The following TCEA3 variants were observed in gnomAD, a reference collection of about 807,000 sequenced individuals.
TCEA3 encodes transcription elongation factor A protein 3.
TCEA3 carries 36 observed loss-of-function variants against 44.0 expected under a neutral mutation model. The ratio of observed to expected loss-of-function variants is 0.82; its 90% CI spans 0.63 to 1.08. The LOEUF is 1.08. Ranked by LOEUF, TCEA3 falls within the 50% of genes least tolerant of loss-of-function variation. TCEA3 has a pLI of 0.00. For synonymous variants in TCEA3, 162 were observed against 159.7 expected, an observed-to-expected ratio of 1.01 and a Z score of -0.11; for missense variants, 392 against 441.2, an observed-to-expected ratio of 0.89 and a Z score of 1.00.
intron 4 of TCEA3, chr1:23,412,018 G>A (rs1178801465): frequency 6.6e-6 from 1 of 152,100 alleles, no homozygotes; most frequent in African/African-American, 2.4e-5. Context: ...GTTTAGATAC[G>A]AATCCACTGA....
intron 4 of TCEA3, among the ~76,000 whole-genome samples, chr1:23,410,288 C>T (rs779570719): frequency 5.9e-5 from 9 of 151,984 alleles, no homozygotes; most frequent in African/African-American, 9.7e-5. Flanking sequence ...AGAGAAGACA[C>T]GAGACTCCAC....
intron 9 of TCEA3, among the ~76,000 whole-genome samples, chr1:23,385,702 G>A (rs966889272): frequency 6.6e-6 from 1 of 152,222 alleles, no homozygotes; most frequent in African/African-American, 2.4e-5. Context: ...GGCATACCAT[G>A]TGCAACCCAG....
At chr1:23,392,416 A>AC (rs1558030260) in intron 8 of TCEA3, among the ~76,000 whole-genome samples, 1 of 3,188 alleles carries the variant, frequency 3.1e-4, no homozygotes, top group Non-Finnish European at 5.4e-4. Flanking sequence ...CATCATGCAC[A>AC]ATACACACAC....
intron 5 of TCEA3, among the ~76,000 whole-genome samples, chr1:23,405,856 G>A (rs1313459292): frequency 2.6e-5 from 4 of 152,324 alleles, no homozygotes; most frequent in Admixed American, 2.6e-4. Flanking sequence ...AATGTCATTA[G>A]TGACCAGTGT....
intron 5 of TCEA3, among the ~76,000 whole-genome samples, chr1:23,408,384 ATTCGGGGGCACAC>A (rs781319411): frequency 2.6e-5 from 4 of 152,174 alleles, no homozygotes; most frequent in Non-Finnish European, 4.4e-5. Flanking sequence ...CACACCCCTG[ATTCGGGGGCACAC>A]TTGCTAAATG....
intron 1 of TCEA3, among the ~76,000 whole-genome samples, chr1:23,420,332 T>C (rs1322703880): frequency 6.6e-6 from 1 of 152,192 alleles, no homozygotes; most frequent in Non-Finnish European, 1.5e-5. Context: ...GCTTCGACTT[T>C]CCAGGCTCAG....
intron 1 of TCEA3, among the ~76,000 whole-genome samples, chr1:23,423,464 T>C (rs1377282181): frequency 6.6e-6 from 1 of 152,172 alleles, no homozygotes; most frequent in Non-Finnish European, 1.5e-5. Context: ...GTGTCCACTC[T>C]AGGGCTCCCT....
At position 23,424,591 on chromosome 1, in the gene TCEA3, C is replaced by G; in HGVS notation, c.43G>C (p.Glu15Gln). 1 of 1,608,816 alleles carries G rather than the reference C, an allele frequency of 6.2e-7. No homozygotes were observed. The highest frequency in any genetic ancestry group is 8.5e-7 in the Non-Finnish European group (1 of 1,179,084). ...EELLRIAKKL[E>Q]KMVARKNTEG... ...GTGTTCTTCCTGGCCACCATCTTCT[C>G]CAGCTTTTTGGCGATCCTCAGCAGC... Residue 15 changes from glutamate to glutamine, a missense_variant, in exon 1 of 11, where the codon GAG (glutamate) becomes CAG (glutamine). By Grantham distance (29) the Glu-to-Gln change is conservative. Transcript: ENST00000450454.
intron 4 of TCEA3, among the ~76,000 whole-genome samples, chr1:23,413,591 G>C (rs1199748993): frequency 6.6e-6 from 1 of 151,992 alleles, no homozygotes; most frequent in African/African-American, 2.4e-5. Context: ...CCACTACCAT[G>C]CCCAGCTAAT....
chr1:23,410,328 A>T (rs1293768395), intron 4 of TCEA3, among the ~76,000 whole-genome samples: 1 of 152,088 alleles, frequency 6.6e-6, no homozygotes, highest in Non-Finnish European at 1.5e-5. Flanking sequence ...ACTCTTCCTC[A>T]TTGCTTTTCT....
At chr1:23,397,523 C>G (rs761432065) in intron 7 of TCEA3, 22 bp downstream of exon 7, 1 of 1,611,970 alleles carries the variant, frequency 6.2e-7, no homozygotes, top group South Asian at 1.1e-5. Context: ...ACACCCACAG[C>G]CCCGGCACAG....
intron 4 of TCEA3, among the ~76,000 whole-genome samples, chr1:23,416,373 T>G (rs1241332428): frequency 6.6e-6 from 1 of 152,210 alleles, no homozygotes; most frequent in Non-Finnish European, 1.5e-5. Context: ...ACTATTATTA[T>G]TTTTTGTTTC....
chr1:23,418,283 A>T, intron 2 of TCEA3: 1 of 426,566 alleles, frequency 2.3e-6, no homozygotes, highest in East Asian at 3.9e-5. Context: ...CACTTGGCTG[A>T]CTGTCAGGAC....
intron 1 of TCEA3, among the ~76,000 whole-genome samples, chr1:23,421,750 T>C (rs1354342445): frequency 6.6e-6 from 1 of 152,258 alleles, no homozygotes; most frequent in Non-Finnish European, 1.5e-5. Context: ...GAGGATTCCT[T>C]ACCTTTGTTT....
rs540599469 is a variant in TCEA3, at chr1:23,392,560, C to T, written c.819+1319G>A. On this transcript the variant is annotated intron_variant, in intron 8 of 10. Transcript: ENST00000450454. Reference sequence around the variant, plus strand: ...TCATACACGCCACATACACTCCACACATCAGACACACACACTCCACACATC... The same window carrying T: ...TCATACACGCCACATACACTCCACATATCAGACACACACACTCCACACATC... Among the ~76,000 whole-genome samples the T allele has an allele frequency of 2.0e-4, 6 of 30,610 alleles. No homozygotes were observed. In the East Asian group the frequency reaches 5.1e-3, roughly 26 times the overall value. 20.1% of individuals were successfully genotyped at this position (30,610 alleles called of 152,430 possible).
Position 23,387,474 on chromosome 1 carries a change from T to C in TCEA3, c.820-55A>G, listed in dbSNP as rs1269053731. On this transcript the variant is annotated intron_variant, in intron 8 of 10. Coordinates refer to ENST00000450454, the MANE Select transcript of TCEA3 (RefSeq NM_003196.3). ...CTGAGGAGTTTCAGGGGCCCTGCCC[T>C]ACACCCGGTTTCTAGAAAGCCTGAA... 6 of 1,507,486 alleles carry C rather than the reference T, an allele frequency of 4.0e-6. No homozygotes were observed. The Admixed American group carries it at 1.1e-4, about 28-fold the overall frequency. The allele number at this position is 1,507,486 out of a possible 1,614,324, so 93.4% of individuals were successfully genotyped here. A position where few individuals can be genotyped will look rare whatever the true frequency, so the allele number is the denominator to read the frequency against.
At chr1:23,394,680 A>G (rs1335418917) in intron 7 of TCEA3, among the ~76,000 whole-genome samples, 1 of 152,162 alleles carries the variant, frequency 6.6e-6, no homozygotes, top group African/African-American at 2.4e-5. Context: ...TTACCATCCC[A>G]TGGAACCCAC....
chr1:23,404,252 T>G, intron 5 of TCEA3: 4 of 692,820 alleles, frequency 5.8e-6, no homozygotes, highest in Non-Finnish European at 1.1e-5. Context: ...CTCCGTGGTC[T>G]GCTTCCTGGT....
At position 23,402,419 on chromosome 1, in the gene TCEA3, G is replaced by T. The variant is rs550890547; in HGVS notation, c.444-4464C>A. On this transcript the variant is annotated intron_variant, in intron 5 of 10. Transcript: ENST00000450454. ...CACGTCCTGCCCCTACCCACTTTCT[G>T]ATGTAATCTCATGCCATGCTCTCCG... Among the ~76,000 whole-genome samples, 43 of 152,298 alleles carry T rather than the reference G, an allele frequency of 2.8e-4. 1 individual carries two copies. Among genetic ancestry groups the T allele is most frequent in the Non-Finnish European group, 4.4e-4 (30 of 68,036 alleles).
Sources: gnomAD v4.1 joint callset for allele counts (sites outside exome capture counted in the v4.1 genomes callset) on GRCh38, gnomAD v4.1.1 for gene constraint, MANE v1.5 for transcripts, NCBI Gene and HGNC (gene_info 2026-07-23, HGNC 2026-07-21) for gene names.